The following STX18 variants were observed in gnomAD, a reference collection of about 807,000 sequenced individuals.
The protein encoded by STX18 is syntaxin 18, also known as syntaxin-18.
Under a neutral mutation model 50.1 loss-of-function variants are expected in STX18, and 40 were observed. The ratio of observed to expected loss-of-function variants is 0.80; its 90% CI spans 0.62 to 1.04. The LOEUF is 1.04. STX18 is among the 50% of genes least tolerant of loss of function. The probability of loss-of-function intolerance (pLI) is 0.00; values close to 1 mark genes in which losing one functional copy is unlikely to be tolerated. For missense variants in STX18, 410 were observed against 415.8 expected (o/e 0.99, Z 0.12); for synonymous variants, 158 against 151.8 (o/e 1.04, Z -0.30).
intron 1 of STX18, among the ~76,000 whole-genome samples, chr4:4,522,947 CAT>C (rs936009027): frequency 2.6e-5 from 4 of 152,214 alleles, no homozygotes; most frequent in African/African-American, 9.7e-5. Context: ...TGTACAAACA[CAT>C]GTGTTTACTG....
chr4:4,482,632 G>A (rs1046392550), intron 1 of STX18, among the ~76,000 whole-genome samples: 7 of 152,162 alleles, frequency 4.6e-5, no homozygotes, highest in Non-Finnish European at 1.0e-4. Context: ...AACCACCTGC[G>A]TGCCAGACCA....
intron 1 of STX18, among the ~76,000 whole-genome samples, chr4:4,517,678 C>T (rs1730335024): frequency 6.6e-6 from 1 of 152,050 alleles, no homozygotes; most frequent in Non-Finnish European, 1.5e-5. Context: ...TTAAAAACCA[C>T]TAATTTCAAA....
At chr4:4,494,682 C>T (rs1729092658) in intron 1 of STX18, among the ~76,000 whole-genome samples, 1 of 152,142 alleles carries the variant, frequency 6.6e-6, no homozygotes, top group African/African-American at 2.4e-5. Context: ...GAGGAATTAA[C>T]AATCAAGCTC....
intron 5 of STX18, chr4:4,453,709 CAT>C: frequency 2.1e-6 from 2 of 975,480 alleles, no homozygotes; most frequent in Non-Finnish European, 2.4e-6. Flanking sequence ...TATATAATAT[CAT>C]AGTACTATAA....
chr4:4,516,967 C>T (rs1039804326), intron 1 of STX18, among the ~76,000 whole-genome samples: 2 of 152,170 alleles, frequency 1.3e-5, no homozygotes, highest in Non-Finnish European at 2.9e-5. Flanking sequence ...TATGCAATAG[C>T]GCTATACACA....
intron 6 of STX18, among the ~76,000 whole-genome samples, chr4:4,437,183 G>C (rs904025180): frequency 6.6e-6 from 1 of 152,020 alleles, no homozygotes; most frequent in African/African-American, 2.4e-5. Context: ...TTGATGTCCT[G>C]ACCTCAGGTG....
At chr4:4,464,427 A>C (rs1727523093) in intron 2 of STX18, among the ~76,000 whole-genome samples, 1 of 152,188 alleles carries the variant, frequency 6.6e-6, no homozygotes, top group Non-Finnish European at 1.5e-5. Context: ...GTGTGTGAGA[A>C]ACTATCTTTT....
At chr4:4,500,436 A>C (rs998857625) in intron 1 of STX18, among the ~76,000 whole-genome samples, 2 of 152,296 alleles carry the variant, frequency 1.3e-5, no homozygotes, top group African/African-American at 4.8e-5. Flanking sequence ...TACATAGTAC[A>C]TACATTGTAT....
chr4:4,514,139 T>A (rs899446813), intron 1 of STX18, among the ~76,000 whole-genome samples: 1 of 152,174 alleles, frequency 6.6e-6, no homozygotes, highest in East Asian at 1.9e-4. Flanking sequence ...AAGTAGTAAG[T>A]ATTCAATACT....
chr4:4,504,265 T>C (rs1220627842), intron 1 of STX18, among the ~76,000 whole-genome samples: 33 of 152,302 alleles, frequency 2.2e-4, no homozygotes, highest in Admixed American at 2.2e-3. Flanking sequence ...TCTAAAGAGA[T>C]ACCTGGAAGG....
At chr4:4,453,922 C>T (rs1482013497) in intron 5 of STX18, among the ~76,000 whole-genome samples, 2 of 152,178 alleles carry the variant, frequency 1.3e-5, no homozygotes, top group Non-Finnish European at 2.9e-5. Context: ...TGGAACAGAA[C>T]CAGACCATGG....
intron 1 of STX18, among the ~76,000 whole-genome samples, chr4:4,515,786 A>G (rs1730228557): frequency 6.6e-6 from 1 of 152,192 alleles, no homozygotes; most frequent in African/African-American, 2.4e-5. Flanking sequence ...GTCAGCAGCA[A>G]CATTTTAAAG....
intron 5 of STX18, among the ~76,000 whole-genome samples, chr4:4,455,743 G>C (rs948629413): frequency 2.0e-5 from 3 of 152,202 alleles, no homozygotes. Flanking sequence ...TTCCCTGGTA[G>C]ACAACACTTC....
chr4:4,429,943 C>T (rs963965351), intron 7 of STX18, among the ~76,000 whole-genome samples: 40 of 152,254 alleles, frequency 2.6e-4, no homozygotes, highest in African/African-American at 8.7e-4. Context: ...AAAATTATCC[C>T]AAGGAGTACA....
intron 6 of STX18, among the ~76,000 whole-genome samples, chr4:4,436,188 A>G (rs946686752): frequency 2.6e-5 from 4 of 152,204 alleles, no homozygotes; most frequent in Non-Finnish European, 4.4e-5. Context: ...CCTGAAAGTT[A>G]TGGTTATTTA....
chr4:4,540,895 C>G (rs1204923334), intron 1 of STX18, among the ~76,000 whole-genome samples: 2 of 152,152 alleles, frequency 1.3e-5, no homozygotes, highest in Non-Finnish European at 2.9e-5. Context: ...GAGGCTTAAG[C>G]TTTAGGGTCC....
At chr4:4,422,242 CAAGA>C (rs1305858472) in intron 9 of STX18, among the ~76,000 whole-genome samples, 1 of 151,230 alleles carries the variant, frequency 6.6e-6, no homozygotes, top group Non-Finnish European at 1.5e-5. Flanking sequence ...ATGGAAAAAA[CAAGA>C]AAGACACATT....
intron 1 of STX18, chr4:4,499,314 G>T: frequency 5.9e-6 from 1 of 170,364 alleles, no homozygotes; most frequent in Non-Finnish European, 1.2e-5. Flanking sequence ...TTTCCTGGGG[G>T]TAGTATAAAA....
intron 7 of STX18, among the ~76,000 whole-genome samples, chr4:4,428,642 C>A (rs1450824941): frequency 6.6e-6 from 1 of 152,114 alleles, no homozygotes; most frequent in Non-Finnish European, 1.5e-5. Flanking sequence ...GTCCTAGAGG[C>A]CTGCTGTGGC....
Sources: allele counts gnomAD v4.1 joint callset (sites outside exome capture counted in the v4.1 genomes callset), GRCh38; gene constraint gnomAD v4.1.1; transcripts MANE v1.5; gene names NCBI Gene and HGNC (gene_info 2026-07-23, HGNC 2026-07-21).